LAMA4: variants seen among roughly 807,000 people sequenced by gnomAD.
LAMA4 encodes laminin subunit alpha-4.
A neutral mutation model predicts 207.1 loss-of-function variants in LAMA4; 127 were observed. The observed-to-expected ratio is 0.61, with a 90% confidence interval of 0.53 to 0.71. The LOEUF (loss-of-function observed/expected upper bound fraction) is 0.71. Among genes scored for constraint, LAMA4 ranks in the 30% least tolerant of loss-of-function variants. The probability of loss-of-function intolerance (pLI) is 0.00; values close to 1 mark genes in which losing one functional copy is unlikely to be tolerated. For synonymous variants in LAMA4, 761 were observed against 816.0 expected, an observed-to-expected ratio of 0.93 and a Z score of 1.15; for missense variants, 2,093 against 2,246.5, an observed-to-expected ratio of 0.93 and a Z score of 1.38.
At chr6:112,194,970 T>G (rs1783326802) in intron 5 of LAMA4, among the ~76,000 whole-genome samples, 1 of 152,186 alleles carries the variant, frequency 6.6e-6, no homozygotes, top group South Asian at 2.1e-4. Flanking sequence ...TGGTTAGTGA[T>G]TTTATTATTT....
chr6:112,115,909 T>A lies in LAMA4; in HGVS notation c.5066A>T (p.His1689Leu), dbSNP rs782019927. Residue 1689 changes from histidine to leucine, a missense_variant, in exon 36 of 39, where the codon CAC becomes CTC. Transcript: ENST00000230538. ...RSSSGTLVHG[H>L]SVNGEYLNVH... is the part of the protein sequence containing the mutation. ...ATTTAGGTACTCCCCATTGACACTGTGGCCGTGGACCAGGGTTCCGGAACT... is the reference window on the plus strand; with the variant it reads ...ATTTAGGTACTCCCCATTGACACTGAGGCCGTGGACCAGGGTTCCGGAACT... The A allele has an allele frequency of 6.8e-6, 11 of 1,613,558 alleles. No individual in the cohort carries two copies. The Admixed American group carries it at 1.0e-4, about 15-fold the overall frequency.
At chr6:112,181,969 T>C (rs1235900151) in intron 9 of LAMA4, among the ~76,000 whole-genome samples, 1 of 152,032 alleles carries the variant, frequency 6.6e-6, no homozygotes, top group Non-Finnish European at 1.5e-5. Context: ...TGGTGGCACA[T>C]GCCTGTAATC....
chr6:112,204,581 A>G (rs1783946862), intron 4 of LAMA4, among the ~76,000 whole-genome samples: 1 of 152,154 alleles, frequency 6.6e-6, no homozygotes, highest in African/African-American at 2.4e-5. Context: ...GCTATGAGGA[A>G]GTTGGAGGTA....
In LAMA4 at chr6:112,209,309, G is replaced by C. The variant is rs1232494821; in HGVS notation, c.298-2164C>G. Among the ~76,000 whole-genome samples, 8 of 152,144 alleles carry C rather than the reference G, an allele frequency of 5.3e-5. No homozygotes were observed. In the East Asian group the frequency reaches 1.5e-3, roughly 29 times the overall value. On this transcript the variant is annotated intron_variant, in intron 3 of 38. Coordinates refer to ENST00000230538, the MANE Select transcript of LAMA4 (RefSeq NM_001105206.3). ...AAAGTGACTACTGTGTTGCAAAAAT[G>C]AGCTAATTCCCAATTCTGTCCCCTT... is the stretch of plus-strand genomic sequence containing the variant.
intron 9 of LAMA4, among the ~76,000 whole-genome samples, chr6:112,184,517 A>C (rs1554346116): frequency 1.3e-5 from 2 of 152,028 alleles, no homozygotes; most frequent in South Asian, 4.1e-4. Context: ...CAGCTTTTAC[A>C]AGTTGTATTT....
chr6:112,172,579 T>G (rs781931740), intron 12 of LAMA4, 32 bp downstream of exon 12: 8 of 1,604,666 alleles, frequency 5.0e-6, no homozygotes, highest in Non-Finnish European at 6.8e-6. Flanking sequence ...CTGCTGATGC[T>G]GAAATGCATT....
intron 12 of LAMA4, among the ~76,000 whole-genome samples, chr6:112,171,414 A>G (rs1781703158): frequency 6.6e-6 from 1 of 152,128 alleles, no homozygotes; most frequent in Non-Finnish European, 1.5e-5. Flanking sequence ...TTTTGGAAGG[A>G]CGCAAGAATG....
At chr6:112,165,791 C>A (rs1781350094) in intron 12 of LAMA4, among the ~76,000 whole-genome samples, 1 of 152,196 alleles carries the variant, frequency 6.6e-6, no homozygotes, top group Admixed American at 6.5e-5. Flanking sequence ...AAATTTTAAT[C>A]TTGCTTCATA....
chr6:112,180,654 T>C (rs1398019216), intron 9 of LAMA4, among the ~76,000 whole-genome samples: 1 of 152,204 alleles, frequency 6.6e-6, no homozygotes, highest in Non-Finnish European at 1.5e-5. Flanking sequence ...GTCTTGGTAA[T>C]ATAGTACATA....
chr6:112,143,000 C>A (rs1779796391), intron 19 of LAMA4, among the ~76,000 whole-genome samples: 1 of 152,162 alleles, frequency 6.6e-6, no homozygotes, highest in Admixed American at 6.5e-5. Flanking sequence ...TAATGGCTCA[C>A]AGAAAGGCAT....
At chr6:112,195,466 G>A (rs986254718) in intron 5 of LAMA4, among the ~76,000 whole-genome samples, 27 of 152,012 alleles carry the variant, frequency 1.8e-4, no homozygotes, top group African/African-American at 5.6e-4. Context: ...CTAAATCCCC[G>A]CATCACAGTA....
At chr6:112,159,890 AG>A (rs1409213953) in intron 13 of LAMA4, among the ~76,000 whole-genome samples, 1 of 152,088 alleles carries the variant, frequency 6.6e-6, no homozygotes, top group African/African-American at 2.4e-5. Context: ...TTGTCCTGGG[AG>A]CAAGCTGCCA....
At chr6:112,171,139 G>A (rs1351069637) in intron 12 of LAMA4, among the ~76,000 whole-genome samples, 1 of 151,902 alleles carries the variant, frequency 6.6e-6, no homozygotes, top group African/African-American at 2.4e-5. Context: ...GAACCGTGAT[G>A]AAACCACACC....
At chr6:112,247,914 T>C (rs1554188981) in intron 2 of LAMA4, among the ~76,000 whole-genome samples, 1 of 152,194 alleles carries the variant, frequency 6.6e-6, no homozygotes, top group Non-Finnish European at 1.5e-5. Context: ...TAAAAAGGAA[T>C]GCAATTCTGA....
At chr6:112,242,467 A>C (rs1240689527) in intron 2 of LAMA4, among the ~76,000 whole-genome samples, 3 of 152,208 alleles carry the variant, frequency 2.0e-5, no homozygotes, top group Non-Finnish European at 4.4e-5. Context: ...TCCATTCAAA[A>C]TTCAAGCCCA....
chr6:112,108,596 T>A lies in LAMA4; in HGVS notation c.*841A>T, dbSNP rs114244600. ...CCATGTACAAATTTTTTTGCAGAGA[T>A]GGGATCTCATTATGTTGCCCAGGCT... On this transcript the variant is annotated 3_prime_UTR_variant, in exon 39 of 39. Transcript: ENST00000230538. 3.7e-4 allele frequency among the ~76,000 whole-genome samples: 56 copies of A among 152,162 alleles called. No homozygotes were observed. The highest frequency in any genetic ancestry group is 1.3e-3 in the African/African-American group (53 of 41,510).
At position 112,150,587 on chromosome 6, in the gene LAMA4, A is replaced by G. The variant is rs1271082359; in HGVS notation, c.2097T>C (p.Gly699=). 5.6e-6 allele frequency: 9 copies of G among 1,614,030 alleles called. No individual in the cohort carries two copies. In the Admixed American group the frequency reaches 1.5e-4, roughly 27 times the overall value. ...EAVADTSRRV[G]GALARKSALK... ...GGGCACTTTTCCTTGCTAGGGCTCC[A>G]CCCACACGCCTGCTAGTGTCAGCCA... Residue 699 remains glycine (G), a synonymous_variant, in exon 17 of 39, where the codon GGT becomes GGC. Coordinates refer to ENST00000230538, the MANE Select transcript of LAMA4 (RefSeq NM_001105206.3).
At chr6:112,219,245 T>A (rs1784797760) in intron 2 of LAMA4, 1 of 152,206 alleles carries the variant, frequency 6.6e-6, no homozygotes, top group South Asian at 2.1e-4. Flanking sequence ...TTGCTCCTGG[T>A]TAATGTAATC....
intron 3 of LAMA4, among the ~76,000 whole-genome samples, chr6:112,212,545 T>G (rs1255525960): frequency 6.6e-6 from 1 of 152,160 alleles, no homozygotes; most frequent in South Asian, 2.1e-4. Context: ...TATTCTTATG[T>G]TGATGGGCAC....
Sources: gnomAD v4.1 joint callset for allele counts (sites outside exome capture counted in the v4.1 genomes callset) on GRCh38, gnomAD v4.1.1 for gene constraint, MANE v1.5 for transcripts, NCBI Gene and HGNC (gene_info 2026-07-23, HGNC 2026-07-21) for gene names.